The following CHSY1 variants were observed in gnomAD, a reference collection of about 807,000 sequenced individuals.
The protein encoded by CHSY1 is N-acetylgalactosaminyl-proteoglycan 3-beta-glucuronosyltransferase 1.
Under a neutral mutation model 59.8 loss-of-function variants are expected in CHSY1, and 13 were observed. The observed-to-expected ratio is 0.22, with a 90% CI of 0.14 to 0.35. CHSY1 has a LOEUF of 0.35. Among genes scored for constraint, CHSY1 ranks in the 10% least tolerant of loss-of-function variants. CHSY1 has a pLI of 1.00. For missense variants in CHSY1, 947 were observed against 1,030.6 expected, an observed-to-expected ratio of 0.92 and a Z score of 1.11; for synonymous variants, 459 against 401.2, an observed-to-expected ratio of 1.14 and a Z score of -1.72.
At chr15:101,231,807 T>C (rs942471978) in intron 2 of CHSY1, among the ~76,000 whole-genome samples, 4 of 152,238 alleles carry the variant, frequency 2.6e-5, no homozygotes, top group African/African-American at 9.6e-5. Flanking sequence ...TAGCTTTTCA[T>C]GTATTTGCCT....
chr15:101,204,965 A>C lies in CHSY1; in HGVS notation c.817-25985T>G, dbSNP rs543324206. On this transcript the variant is annotated intron_variant, in intron 2 of 2. Transcript: ENST00000254190. ...TTAAGAATACTGTCACTTGGCGAAG[A>C]TCATAGTAACTAATTTTTCGCAATA... 1.8e-4 allele frequency among the ~76,000 whole-genome samples: 27 copies of C among 152,236 alleles called. No homozygotes were observed. In the South Asian group the frequency reaches 5.6e-3, roughly 32 times the overall value.
At chr15:101,180,916 C>T (rs188178576) in intron 2 of CHSY1, among the ~76,000 whole-genome samples, 2,689 of 152,300 alleles carry the variant, frequency 0.018, 38 homozygotes, top group East Asian at 0.097. Context: ...TGGGTACAAA[C>T]GGCAGGGCTA....
At chr15:101,221,673 T>C (rs991500538) in intron 2 of CHSY1, among the ~76,000 whole-genome samples, 2 of 152,202 alleles carry the variant, frequency 1.3e-5, no homozygotes, top group Non-Finnish European at 2.9e-5. Context: ...CGTACTCAAC[T>C]TTCTGCCTTA....
chr15:101,215,152 C>A (rs1375763152), intron 2 of CHSY1, among the ~76,000 whole-genome samples: 1 of 152,134 alleles, frequency 6.6e-6, no homozygotes, highest in Non-Finnish European at 1.5e-5. Context: ...GAACCATGAG[C>A]CAATTAAACC....
At chr15:101,230,134 G>T (rs1036296001) in intron 2 of CHSY1, among the ~76,000 whole-genome samples, 1 of 151,868 alleles carries the variant, frequency 6.6e-6, no homozygotes, top group Non-Finnish European at 1.5e-5. Flanking sequence ...TAGAGACGAG[G>T]TTTCACCATG....
chr15:101,179,678 C>T (rs556913392), intron 2 of CHSY1, among the ~76,000 whole-genome samples: 26 of 152,332 alleles, frequency 1.7e-4, no homozygotes, highest in Non-Finnish European at 2.4e-4. Flanking sequence ...TTGCTCAGCA[C>T]GGGGTCTCCG....
intron 2 of CHSY1, among the ~76,000 whole-genome samples, chr15:101,219,876 C>T (rs28393606): frequency 0.26 from 40,189 of 152,056 alleles, 5,866 homozygotes; most frequent in African/African-American, 0.38. Context: ...AAGCAATTAT[C>T]CTGCCTCAGC....
In CHSY1 at chr15:101,185,198, T is replaced by C. The variant is rs377462123; in HGVS notation, c.817-6218A>G. 7.9e-5 allele frequency among the ~76,000 whole-genome samples: 12 copies of C among 152,362 alleles called. No homozygotes were observed. The East Asian group carries it at 2.3e-3, about 29-fold the overall frequency. On this transcript the variant is annotated intron_variant, in intron 2 of 2. Transcript: ENST00000254190. ...GAGATGGAGAGGCAGAAATCAAATA[T>C]GCTGTCTTTAGAGCTCTTTAAGAAC...
chr15:101,182,706 T>C (rs548378835), intron 2 of CHSY1, among the ~76,000 whole-genome samples: 17 of 152,314 alleles, frequency 1.1e-4, no homozygotes, highest in East Asian at 5.8e-4. Flanking sequence ...TTTGGATCAA[T>C]TGAACAGTAC....
At chr15:101,233,209 G>A (rs1567105377) in intron 2 of CHSY1, among the ~76,000 whole-genome samples, 1 of 152,180 alleles carries the variant, frequency 6.6e-6, no homozygotes, top group East Asian at 1.9e-4. Flanking sequence ...CCACCCTGCA[G>A]CCCCAGGATG....
intron 2 of CHSY1, among the ~76,000 whole-genome samples, chr15:101,181,137 T>C (rs771403185): frequency 3.5e-4 from 53 of 152,284 alleles, no homozygotes; most frequent in Middle Eastern, 3.4e-3. Context: ...GGCCAGCCTT[T>C]GTAACGTGAC....
intron 2 of CHSY1, among the ~76,000 whole-genome samples, chr15:101,196,562 G>C (rs2038509107): frequency 6.6e-6 from 1 of 152,126 alleles, no homozygotes; most frequent in Non-Finnish European, 1.5e-5. Context: ...AGAAGCCACA[G>C]CACTGTAATG....
At chr15:101,219,391 G>T (rs2038766540) in intron 2 of CHSY1, among the ~76,000 whole-genome samples, 1 of 152,222 alleles carries the variant, frequency 6.6e-6, no homozygotes, top group Admixed American at 6.5e-5. Flanking sequence ...TGAGGCCCTG[G>T]TAGATTTCTA....
intron 2 of CHSY1, among the ~76,000 whole-genome samples, chr15:101,206,597 T>C (rs1344123685): frequency 1.3e-5 from 2 of 152,002 alleles, no homozygotes; most frequent in Non-Finnish European, 2.9e-5. Context: ...CGAACACTCA[T>C]TAAATTATGC....
chr15:101,251,092 G>A (rs1229541407), intron 1 of CHSY1, 45 bp downstream of exon 1: 1 of 1,523,006 alleles, frequency 6.6e-7, no homozygotes, highest in South Asian at 1.2e-5. Flanking sequence ...GCCGGCCGCC[G>A]GGATGCCGGA....
chr15:101,199,825 T>G (rs759141142), intron 2 of CHSY1, among the ~76,000 whole-genome samples: 8 of 152,130 alleles, frequency 5.3e-5, no homozygotes, highest in Non-Finnish European at 1.0e-4. Flanking sequence ...AAAAGGCAGT[T>G]TCAAGAAACT....
At chr15:101,241,935 C>A (rs1211634926) in intron 1 of CHSY1, among the ~76,000 whole-genome samples, 1 of 152,212 alleles carries the variant, frequency 6.6e-6, no homozygotes, top group Non-Finnish European at 1.5e-5. Flanking sequence ...CCTTCACATA[C>A]CCTCCTGTAT....
intron 1 of CHSY1, among the ~76,000 whole-genome samples, chr15:101,248,172 G>T (rs1372258165): frequency 6.6e-6 from 1 of 152,152 alleles, no homozygotes; most frequent in African/African-American, 2.4e-5. Context: ...GAAGAGTCAA[G>T]CTTACTTTTA....
chr15:101,237,723 C>T (rs935952226), intron 1 of CHSY1, among the ~76,000 whole-genome samples: 1 of 152,222 alleles, frequency 6.6e-6, no homozygotes, highest in African/African-American at 2.4e-5. Context: ...CACTTTCCCT[C>T]CTACTTTCTT....
Sources: allele counts gnomAD v4.1 joint callset (sites outside exome capture counted in the v4.1 genomes callset), GRCh38; gene constraint gnomAD v4.1.1; transcripts MANE v1.5; gene names NCBI Gene and HGNC (gene_info 2026-07-23, HGNC 2026-07-21).